TLL1: variants seen among roughly 807,000 people sequenced by gnomAD.
TLL1 encodes tolloid-like protein 1.
Under a neutral mutation model 128.2 loss-of-function variants are expected in TLL1, and 49 were observed. The ratio of observed to expected loss-of-function variants is 0.38; its 90% CI spans 0.30 to 0.48. The LOEUF is 0.48. Ranked by LOEUF, TLL1 falls within the 20% of genes least tolerant of loss-of-function variation. The pLI, the probability that TLL1 is intolerant of heterozygous loss-of-function variation, is 0.96. For synonymous variants in TLL1, 454 were observed against 418.8 expected (o/e 1.08, Z -1.03); for missense variants, 1,123 against 1,242.0 (o/e 0.90, Z 1.44).
intron 6 of TLL1, among the ~76,000 whole-genome samples, chr4:166,005,838 A>G (rs1339142400): frequency 6.6e-6 from 1 of 151,896 alleles, no homozygotes; most frequent in East Asian, 1.9e-4. Flanking sequence ...ATAAATATGT[A>G]CCTGAAACAA....
intron 10 of TLL1, among the ~76,000 whole-genome samples, chr4:166,040,497 A>G (rs559990520): frequency 7.6e-4 from 116 of 152,232 alleles, no homozygotes; most frequent in Non-Finnish European, 1.4e-3. Context: ...TTAGAGCACC[A>G]TCAGCATTAC....
At chr4:165,991,196 A>G (rs889238649) in intron 2 of TLL1, among the ~76,000 whole-genome samples, 1 of 151,800 alleles carries the variant, frequency 6.6e-6, no homozygotes, top group African/African-American at 2.4e-5. Flanking sequence ...AATTTTATTT[A>G]TTGTTAAACT....
At chr4:165,951,183 A>C (rs991389717) in intron 1 of TLL1, among the ~76,000 whole-genome samples, 1 of 152,170 alleles carries the variant, frequency 6.6e-6, no homozygotes, top group East Asian at 1.9e-4. Flanking sequence ...TGTAAACTAC[A>C]AAACCTTACC....
At chr4:165,946,225 C>A (rs1474783396) in intron 1 of TLL1, among the ~76,000 whole-genome samples, 2 of 152,174 alleles carry the variant, frequency 1.3e-5, no homozygotes, top group African/African-American at 4.8e-5. Flanking sequence ...GAATGGAATG[C>A]AGCTCTGCTG....
chr4:166,025,259 A>T (rs1738437507), intron 8 of TLL1, 57 bp from the exon 9 acceptor site: 6 of 1,262,636 alleles, frequency 4.8e-6, no homozygotes, highest in Non-Finnish European at 7.0e-6. Flanking sequence ...TTTGTTTATG[A>T]TATTCACGTA....
Position 166,101,112 on chromosome 4 carries a change from T to C in TLL1, c.*236T>C, listed in dbSNP as rs765237180. 5.9e-5 allele frequency: 29 copies of C among 489,048 alleles called. No individual in the cohort carries two copies. The highest frequency in any genetic ancestry group is 8.8e-5 in the Non-Finnish European group (24 of 272,042). The allele number at this position is 489,048 out of a possible 1,614,324, so 30.3% of individuals were successfully genotyped here. On this transcript the variant is annotated 3_prime_UTR_variant, in exon 21 of 21. Coordinates refer to ENST00000061240, the MANE Select transcript of TLL1 (RefSeq NM_012464.5). ...TATTAATAAAGCTGGTGAAAGGGCA[T>C]CATATACTTCAAGGAAGACTCTACA...
At chr4:166,070,756 T>C (rs1049770687) in intron 16 of TLL1, among the ~76,000 whole-genome samples, 2 of 151,920 alleles carry the variant, frequency 1.3e-5, no homozygotes, top group African/African-American at 4.8e-5. Context: ...CATCTATCTT[T>C]CTTTCACTGT....
intron 16 of TLL1, among the ~76,000 whole-genome samples, chr4:166,073,759 T>C (rs2111135384): frequency 6.6e-6 from 1 of 152,304 alleles, no homozygotes; most frequent in African/African-American, 2.4e-5. Context: ...GATGAAAATA[T>C]CTTCCCTAAC....
At chr4:165,934,174 T>TTC (rs1491272258) in intron 1 of TLL1, among the ~76,000 whole-genome samples, 45 of 84,450 alleles carry the variant, frequency 5.3e-4, no homozygotes, top group African/African-American at 3.9e-3. Flanking sequence ...AATTTTTTGC[T>TTC]TTTTTTTTTT....
chr4:166,005,556 C>A (rs72974322), intron 6 of TLL1, among the ~76,000 whole-genome samples: 2,355 of 151,364 alleles, frequency 0.016, 69 homozygotes, highest in African/African-American at 0.052. Context: ...GGTTAGATAT[C>A]AAAATAAGTT....
chr4:165,922,898 T>C (rs1417737763), intron 1 of TLL1, among the ~76,000 whole-genome samples: 2 of 152,230 alleles, frequency 1.3e-5, no homozygotes, highest in South Asian at 2.1e-4. Flanking sequence ...AATCAGTCTC[T>C]GATTCCTTGA....
intron 12 of TLL1, chr4:166,044,337 G>C (rs1739365426): frequency 6.5e-7 from 1 of 1,534,068 alleles, no homozygotes; most frequent in African/African-American, 1.4e-5. Flanking sequence ...CAGTGACCGT[G>C]GTCATGGTTG....
intron 15 of TLL1, among the ~76,000 whole-genome samples, chr4:166,064,958 G>A (rs894281836): frequency 6.6e-6 from 1 of 152,060 alleles, no homozygotes; most frequent in Non-Finnish European, 1.5e-5. Flanking sequence ...ATTCATGCAA[G>A]ATTTGTTCTT....
At position 166,074,762 on chromosome 4, in the gene TLL1, G is replaced by A. The variant is rs1740944606; in HGVS notation, c.2189-116G>A. On this transcript the variant is annotated intron_variant, in intron 16 of 20. Transcript: ENST00000061240. ...TTTGTTTGTTTTATGTTGGGAACAG[G>A]AGAAACCATGACTTAGTTTACCCTT... The A allele has an allele frequency of 7.7e-6, 10 of 1,292,724 alleles. No homozygotes were observed. The Admixed American group carries it at 1.8e-4, about 23-fold the overall frequency. 80.1% of individuals were successfully genotyped at this position (1,292,724 alleles called of 1,614,324 possible).
chr4:166,089,223 T>C (rs1318555025), intron 18 of TLL1, among the ~76,000 whole-genome samples: 3 of 152,148 alleles, frequency 2.0e-5, no homozygotes, highest in Non-Finnish European at 4.4e-5. Flanking sequence ...TAGTTTCATA[T>C]TTAGTAAAGA....
intron 9 of TLL1, among the ~76,000 whole-genome samples, chr4:166,034,579 CA>C (rs1298906948): frequency 4.6e-5 from 7 of 152,004 alleles, no homozygotes; most frequent in Admixed American, 2.0e-4. Context: ...AATTAAAAGC[CA>C]AAGCACATCT....
chr4:166,042,271 A>T, intron 11 of TLL1, 128 bp downstream of exon 11: 1 of 681,702 alleles, frequency 1.5e-6, no homozygotes, highest in Non-Finnish European at 2.6e-6. Flanking sequence ...TCTGTATTAT[A>T]ATATTCATAC....
chr4:166,029,936 T>TG (rs1292256227), intron 9 of TLL1, among the ~76,000 whole-genome samples: 3 of 152,134 alleles, frequency 2.0e-5, no homozygotes, highest in Non-Finnish European at 4.4e-5. Flanking sequence ...TTGTGAATAG[T>TG]GCTGATATGA....
intron 14 of TLL1, among the ~76,000 whole-genome samples, chr4:166,057,668 C>T (rs1236418797): frequency 6.6e-6 from 1 of 152,170 alleles, no homozygotes; most frequent in Non-Finnish European, 1.5e-5. Context: ...CACAGTTCCA[C>T]ATGGCTGGTG....
Sources: allele counts gnomAD v4.1 joint callset (sites outside exome capture counted in the v4.1 genomes callset), GRCh38; gene constraint gnomAD v4.1.1; transcripts MANE v1.5; gene names NCBI Gene and HGNC (gene_info 2026-07-23, HGNC 2026-07-21).